ASIC2: variants seen among roughly 807,000 people sequenced by gnomAD.
ASIC2 encodes the protein acid sensing ion channel subunit 2.
ASIC2 carries 25 observed loss-of-function variants against 57.3 expected under a neutral mutation model. The ratio of observed to expected loss-of-function variants is 0.44; its 90% CI spans 0.32 to 0.61. ASIC2 has a LOEUF of 0.61. ASIC2 is among the 20% of genes least tolerant of loss of function. The pLI is 0.06. For synonymous variants in ASIC2, 319 were observed against 307.5 expected, an observed-to-expected ratio of 1.04 and a Z score of -0.39; for missense variants, 641 against 738.1, an observed-to-expected ratio of 0.87 and a Z score of 1.52.
intron 1 of ASIC2, among the ~76,000 whole-genome samples, chr17:33,981,670 AGAAGGAAG>A (rs759908001): frequency 6.7e-6 from 1 of 150,058 alleles, no homozygotes; most frequent in Non-Finnish European, 1.5e-5. Context: ...AGGAGAAGAA[AGAAGGAAG>A]GAAGGAAGGA....
chr17:33,737,658 C>A (rs886117662), intron 1 of ASIC2, among the ~76,000 whole-genome samples: 2 of 142,182 alleles, frequency 1.4e-5, no homozygotes, highest in African/African-American at 5.1e-5. Context: ...GTGTAAAATA[C>A]CCCTAACAGT....
chr17:33,362,899 A>G (rs1191759077), intron 1 of ASIC2, among the ~76,000 whole-genome samples: 3 of 152,262 alleles, frequency 2.0e-5, no homozygotes, highest in Non-Finnish European at 4.4e-5. Flanking sequence ...GGGGTGACAT[A>G]TCAGCTTTGG....
intron 1 of ASIC2, among the ~76,000 whole-genome samples, chr17:33,258,648 G>T (rs1189221396): frequency 1.3e-5 from 2 of 152,228 alleles, no homozygotes; most frequent in Non-Finnish European, 1.5e-5. Flanking sequence ...GGTCTTAGTG[G>T]CTGCAACCAT....
At chr17:34,056,085 T>C (rs559808281) in intron 1 of ASIC2, among the ~76,000 whole-genome samples, 96 of 152,108 alleles carry the variant, frequency 6.3e-4, no homozygotes, top group African/African-American at 2.3e-3. Flanking sequence ...GTCAAGAATA[T>C]TTGCCAGTGA....
chr17:33,961,081 G>A (rs896520642), intron 1 of ASIC2, among the ~76,000 whole-genome samples: 3 of 152,144 alleles, frequency 2.0e-5, no homozygotes, highest in Non-Finnish European at 4.4e-5. Flanking sequence ...AGGCCAAGGT[G>A]GTAACTTTAG....
chr17:33,370,288 T>C (rs1908999250), intron 1 of ASIC2, among the ~76,000 whole-genome samples: 1 of 152,192 alleles, frequency 6.6e-6, no homozygotes, highest in Non-Finnish European at 1.5e-5. Context: ...TAAATGACTT[T>C]TCTGATCAAA....
At chr17:34,090,617 A>G (rs1268246978) in intron 1 of ASIC2, among the ~76,000 whole-genome samples, 1 of 152,182 alleles carries the variant, frequency 6.6e-6, no homozygotes, top group Non-Finnish European at 1.5e-5. Flanking sequence ...TGGTTTCTTC[A>G]TAAGGTAACT....
intron 1 of ASIC2, among the ~76,000 whole-genome samples, chr17:33,883,571 G>T (rs1048678001): frequency 6.6e-6 from 1 of 152,078 alleles, no homozygotes; most frequent in Non-Finnish European, 1.5e-5. Context: ...CCACACAGAT[G>T]AACTCCAAAT....
intron 1 of ASIC2, among the ~76,000 whole-genome samples, chr17:33,454,375 T>C (rs1371192882): frequency 6.6e-6 from 1 of 152,184 alleles, no homozygotes; most frequent in Non-Finnish European, 1.5e-5. Context: ...GAAACAGCTA[T>C]GAGGCAAAGA....
intron 1 of ASIC2, among the ~76,000 whole-genome samples, chr17:34,064,970 G>C (rs1047861898): frequency 6.6e-6 from 1 of 152,202 alleles, no homozygotes; most frequent in Non-Finnish European, 1.5e-5. Flanking sequence ...AAACAATGTG[G>C]AGATTCTTTA....
At position 33,596,633 on chromosome 17, in the gene ASIC2, C is replaced by A. The variant is rs549616771; in HGVS notation, c.556-484566G>T. On this transcript the variant is annotated intron_variant, in intron 1 of 9. Transcript: ENST00000359872. ...AGGTAGATAGGACCCTCCCAACCCC[C>A]AGGAGACAAGATTTCAAAGATCCCT... Among the ~76,000 whole-genome samples the A allele has an allele frequency of 2.6e-5, 4 of 152,298 alleles. 1 individual carries two copies. The South Asian group carries it at 8.3e-4, about 32-fold the overall frequency.
At chr17:33,982,420 G>A (rs990195019) in intron 1 of ASIC2, among the ~76,000 whole-genome samples, 1 of 152,174 alleles carries the variant, frequency 6.6e-6, no homozygotes, top group East Asian at 1.9e-4. Context: ...GGTGGGCCTG[G>A]CCAGAGGCTG....
intron 1 of ASIC2, among the ~76,000 whole-genome samples, chr17:33,288,088 T>C (rs921264016): frequency 6.6e-6 from 1 of 152,108 alleles, no homozygotes; most frequent in African/African-American, 2.4e-5. Flanking sequence ...AGGCAGCAAG[T>C]ACATCAGATA....
intron 2 of ASIC2, among the ~76,000 whole-genome samples, chr17:33,097,034 TG>T (rs1393355278): frequency 2.6e-5 from 4 of 152,260 alleles, no homozygotes; most frequent in African/African-American, 9.6e-5. Flanking sequence ...AGAGGTCAGC[TG>T]GCCCTAGCCA....
intron 1 of ASIC2, among the ~76,000 whole-genome samples, chr17:33,175,746 C>A (rs558188526): frequency 1.1e-4 from 17 of 152,304 alleles, no homozygotes; most frequent in South Asian, 1.0e-3. Context: ...GCTTCTCCCC[C>A]CTCCACTCAG....
At chr17:33,899,006 G>A (rs969914804) in intron 1 of ASIC2, among the ~76,000 whole-genome samples, 35 of 151,790 alleles carry the variant, frequency 2.3e-4, no homozygotes, top group African/African-American at 7.3e-4. Context: ...TAATTCCTCC[G>A]AGGTAAAGAT....
intron 1 of ASIC2, among the ~76,000 whole-genome samples, chr17:33,390,638 T>G (rs759027319): frequency 1.4e-4 from 21 of 152,200 alleles, no homozygotes; most frequent in Non-Finnish European, 8.8e-5. Flanking sequence ...ATTCAGTTTC[T>G]TGAGGACTGT....
At chr17:33,022,186 C>T (rs1438768068) in intron 6 of ASIC2, among the ~76,000 whole-genome samples, 2 of 152,170 alleles carry the variant, frequency 1.3e-5, no homozygotes, top group Non-Finnish European at 2.9e-5. Flanking sequence ...GCTTGGCTTG[C>T]CACAGCTGTT....
intron 1 of ASIC2, among the ~76,000 whole-genome samples, chr17:33,459,442 C>T (rs1912561637): frequency 6.6e-6 from 1 of 152,166 alleles, no homozygotes; most frequent in Non-Finnish European, 1.5e-5. Context: ...TGAAACCACA[C>T]ACATCATTAA....
Sources: allele counts gnomAD v4.1 joint callset (sites outside exome capture counted in the v4.1 genomes callset), GRCh38; gene constraint gnomAD v4.1.1; transcripts MANE v1.5; gene names NCBI Gene and HGNC (gene_info 2026-07-23, HGNC 2026-07-21).